PHACTR1: variants seen among roughly 807,000 people sequenced by gnomAD.
PHACTR1 encodes the protein phosphatase and actin regulator 1.
Under a neutral mutation model 69.2 loss-of-function variants are expected in PHACTR1, and 16 were observed. That is an observed-to-expected ratio of 0.23 (90% confidence interval 0.16 to 0.35). The LOEUF is 0.35. Ranked by LOEUF, PHACTR1 falls within the 10% of genes least tolerant of loss-of-function variation. The pLI is 1.00. For synonymous variants in PHACTR1, 312 were observed against 284.5 expected, an observed-to-expected ratio of 1.10 and a Z score of -0.97; for missense variants, 510 against 734.7, an observed-to-expected ratio of 0.69 and a Z score of 3.54.
intron 4 of PHACTR1, among the ~76,000 whole-genome samples, chr6:13,033,882 G>T (rs4715068): frequency 0.73 from 106,655 of 145,956 alleles, 38,914 homozygotes; most frequent in East Asian, 0.89. Flanking sequence ...AAAGCAAAAT[G>T]GTCCTAAGAA....
intron 4 of PHACTR1, among the ~76,000 whole-genome samples, chr6:12,835,142 C>A (rs1419473862): frequency 1.3e-5 from 2 of 152,050 alleles, no homozygotes; most frequent in Non-Finnish European, 2.9e-5. Context: ...AGAGTGCAGA[C>A]CTCTTGTGGA....
At chr6:13,238,307 C>T (rs1406783006) in intron 10 of PHACTR1, among the ~76,000 whole-genome samples, 2 of 152,120 alleles carry the variant, frequency 1.3e-5, no homozygotes, top group African/African-American at 4.8e-5. Flanking sequence ...CGTAAAGGAC[C>T]GAAATTCTTC....
At chr6:12,847,334 T>G (rs1779391730) in intron 4 of PHACTR1, among the ~76,000 whole-genome samples, 2 of 152,202 alleles carry the variant, frequency 1.3e-5, no homozygotes, top group African/African-American at 4.8e-5. Flanking sequence ...AGCCACTCAC[T>G]ATTTGTAAAC....
At chr6:13,043,325 G>T (rs755028284) in intron 4 of PHACTR1, among the ~76,000 whole-genome samples, 2 of 152,176 alleles carry the variant, frequency 1.3e-5, no homozygotes, top group African/African-American at 4.8e-5. Context: ...TACTTGGGAG[G>T]TGGAGGCACA....
chr6:13,065,288 C>T lies in PHACTR1; in HGVS notation c.415+11759C>T, dbSNP rs889416846. Among the ~76,000 whole-genome samples the T allele has an allele frequency of 3.3e-5, 5 of 152,118 alleles. No homozygotes were observed. In the South Asian group the frequency reaches 8.3e-4, roughly 25 times the overall value. Reference sequence around the variant, plus strand: ...CGAGGGTACAGTAACACCCTGAGGGCCACCAGCCTGTGAGTTCTGAACAGA... The same window carrying T: ...CGAGGGTACAGTAACACCCTGAGGGTCACCAGCCTGTGAGTTCTGAACAGA... On this transcript the variant is annotated intron_variant, in intron 5 of 14. Coordinates refer to ENST00000332995, the MANE Select transcript of PHACTR1 (RefSeq NM_030948.6).
At chr6:12,876,115 C>T (rs770592813) in intron 4 of PHACTR1, among the ~76,000 whole-genome samples, 19 of 152,122 alleles carry the variant, frequency 1.2e-4, no homozygotes, top group African/African-American at 4.1e-4. Context: ...GAAGGGCTAC[C>T]GTAGCCCATC....
At chr6:12,870,204 T>A (rs1391541458) in intron 4 of PHACTR1, among the ~76,000 whole-genome samples, 1 of 152,144 alleles carries the variant, frequency 6.6e-6, no homozygotes, top group Non-Finnish European at 1.5e-5. Context: ...TTTTCTTCAA[T>A]AAGATGTCAG....
At chr6:13,191,107 A>G (rs1466636153) in intron 7 of PHACTR1, among the ~76,000 whole-genome samples, 2 of 151,920 alleles carry the variant, frequency 1.3e-5, no homozygotes, top group Non-Finnish European at 2.9e-5. Context: ...CCAACCCTCC[A>G]TGTCCTCCTC....
chr6:13,205,175 A>G (rs1223266405), intron 7 of PHACTR1, among the ~76,000 whole-genome samples: 1 of 152,174 alleles, frequency 6.6e-6, no homozygotes, highest in Non-Finnish European at 1.5e-5. Flanking sequence ...TGCAGAGAGC[A>G]CATGGCAAGA....
intron 7 of PHACTR1, 95 bp from the exon 8 acceptor site, chr6:13,205,720 A>G: frequency 8.1e-7 from 1 of 1,230,512 alleles, no homozygotes; most frequent in Middle Eastern, 2.0e-4. Flanking sequence ...GGCTCAACTC[A>G]TTGGCCACAG....
At chr6:12,742,080 T>TG (rs1337420521) in intron 3 of PHACTR1, among the ~76,000 whole-genome samples, 2 of 152,094 alleles carry the variant, frequency 1.3e-5, no homozygotes, top group South Asian at 2.1e-4. Context: ...AAAAATGATT[T>TG]GGGGGGGATT....
chr6:12,833,890 C>T (rs7741088), intron 4 of PHACTR1, among the ~76,000 whole-genome samples: 11,603 of 152,132 alleles, frequency 0.076, 506 homozygotes, highest in Middle Eastern at 0.14. Context: ...CATGCTTGGG[C>T]ACTCTGACAT....
chr6:12,814,037 TC>T (rs1775309741), intron 4 of PHACTR1, among the ~76,000 whole-genome samples: 1 of 152,210 alleles, frequency 6.6e-6, no homozygotes, highest in Admixed American at 6.5e-5. Flanking sequence ...CTCCTTCTGT[TC>T]CATTTCCCCT....
chr6:13,260,058 G>T (rs1360260529), intron 10 of PHACTR1, among the ~76,000 whole-genome samples: 1 of 152,134 alleles, frequency 6.6e-6, no homozygotes, highest in Non-Finnish European at 1.5e-5. Flanking sequence ...CAACTCCAGG[G>T]GCGAGAGATT....
intron 4 of PHACTR1, among the ~76,000 whole-genome samples, chr6:12,889,125 T>G (rs142118229): frequency 9.7e-4 from 147 of 151,994 alleles, no homozygotes; most frequent in African/African-American, 3.4e-3. Context: ...ATCAAAATAA[T>G]TAGCCAGGCA....
chr6:13,020,140 A>G (rs1800753217), intron 4 of PHACTR1, among the ~76,000 whole-genome samples: 1 of 152,212 alleles, frequency 6.6e-6, no homozygotes, highest in Admixed American at 6.5e-5. Context: ...CAAGGAGGCA[A>G]AAGTTGCAAT....
intron 5 of PHACTR1, among the ~76,000 whole-genome samples, chr6:13,082,517 A>C (rs904205671): frequency 1.3e-5 from 2 of 152,178 alleles, no homozygotes; most frequent in Non-Finnish European, 1.5e-5. Flanking sequence ...CCTGAGGAAT[A>C]GCCACACTGA....
At chr6:13,064,816 A>G (rs73368142) in intron 5 of PHACTR1, among the ~76,000 whole-genome samples, 1,878 of 150,878 alleles carry the variant, frequency 0.012, 26 homozygotes, top group African/African-American at 0.043. Context: ...GACTGGGCTC[A>G]AGGAACGCAA....
chr6:13,190,757 T>C (rs1233721238), intron 7 of PHACTR1, among the ~76,000 whole-genome samples: 1 of 133,994 alleles, frequency 7.5e-6, no homozygotes, highest in Non-Finnish European at 1.7e-5. Context: ...AATACACACC[T>C]ACCCAGGACT....
Sources: gnomAD v4.1 joint callset for allele counts (sites outside exome capture counted in the v4.1 genomes callset) on GRCh38, gnomAD v4.1.1 for gene constraint, MANE v1.5 for transcripts, NCBI Gene and HGNC (gene_info 2026-07-23, HGNC 2026-07-21) for gene names.